CWF19L2: variants seen among roughly 807,000 people sequenced by gnomAD.
CWF19L2 encodes the protein CWF19 like cell cycle control factor 2.
CWF19L2 carries 98 observed loss-of-function variants against 111.7 expected under a neutral mutation model. The ratio of observed to expected loss-of-function variants is 0.88; its 90% CI spans 0.75 to 1.04. CWF19L2 has a LOEUF of 1.04. CWF19L2 is among the 50% of genes least tolerant of loss of function. The pLI is 0.00. For missense variants in CWF19L2, 1,101 were observed against 1,051.4 expected (o/e 1.05, Z -0.65); for synonymous variants, 351 against 342.9 (o/e 1.02, Z -0.26).
intron 12 of CWF19L2, among the ~76,000 whole-genome samples, chr11:107,361,732 T>C (rs896785862): frequency 1.3e-5 from 2 of 152,226 alleles, no homozygotes; most frequent in African/African-American, 4.8e-5. Flanking sequence ...TTTTTATAGC[T>C]ATTGTAAATG....
At chr11:107,400,999 T>C (rs1422282902) in intron 10 of CWF19L2, among the ~76,000 whole-genome samples, 2 of 152,146 alleles carry the variant, frequency 1.3e-5, no homozygotes, top group Non-Finnish European at 2.9e-5. Flanking sequence ...GAAAAAGCAT[T>C]TGACAAAATC....
chr11:107,347,619 C>T (rs524448), intron 14 of CWF19L2, among the ~76,000 whole-genome samples: 2,359 of 152,270 alleles, frequency 0.015, 55 homozygotes, highest in African/African-American at 0.054. Flanking sequence ...TTCCATAGTA[C>T]ACTTGGTTTC....
At chr11:107,444,966 G>T (rs1406611443) in intron 3 of CWF19L2, among the ~76,000 whole-genome samples, 2 of 152,128 alleles carry the variant, frequency 1.3e-5, no homozygotes, top group Non-Finnish European at 2.9e-5. Context: ...ATCAACCTGA[G>T]CCATTCCACA....
intron 8 of CWF19L2, among the ~76,000 whole-genome samples, chr11:107,424,300 T>A (rs376523512): frequency 3.4e-4 from 52 of 151,840 alleles, no homozygotes; most frequent in African/African-American, 1.2e-3. Context: ...CCATCTATCA[T>A]CTGCCTAGCT....
Position 107,416,141 on chromosome 11 carries a change from AAAATATTAC to A in CWF19L2, c.1617+59_1617+67del. On this transcript the variant is annotated intron_variant, in intron 10 of 17. Transcript: ENST00000282251. ...AATAAAAAATAAAATAAAATAAAATAAAATATTACCACTGCCCGGTGGTAGTTTACACAA... is the reference window on the plus strand; with the variant it reads ...AATAAAAAATAAAATAAAATAAAATACACTGCCCGGTGGTAGTTTACACAA... The A allele has an allele frequency of 7.4e-6, 3 of 405,512 alleles. No homozygotes were observed. The South Asian group carries it at 2.2e-4, about 29-fold the overall frequency. The allele number at this position is 405,512 out of a possible 1,614,324, so 25.1% of individuals were successfully genotyped here.
intron 12 of CWF19L2, among the ~76,000 whole-genome samples, chr11:107,383,728 G>T (rs897976496): frequency 1.3e-5 from 2 of 152,098 alleles, no homozygotes; most frequent in African/African-American, 4.8e-5. Context: ...TGCAAGAAAA[G>T]AATGGGCAAT....
At chr11:107,334,796 G>A in intron 16 of CWF19L2, 85 bp downstream of exon 16, 1 of 853,076 alleles carries the variant, frequency 1.2e-6, no homozygotes. Context: ...TCAACCAAAT[G>A]GTCCCTTTGT....
At chr11:107,378,827 A>T (rs1477084345) in intron 12 of CWF19L2, among the ~76,000 whole-genome samples, 1 of 149,468 alleles carries the variant, frequency 6.7e-6, no homozygotes, top group Admixed American at 6.7e-5. Context: ...TTATAAAGTC[A>T]ATAAATATAT....
intron 8 of CWF19L2, among the ~76,000 whole-genome samples, chr11:107,424,050 T>A (rs1423713001): frequency 1.3e-5 from 2 of 151,714 alleles, no homozygotes; most frequent in Non-Finnish European, 2.9e-5. Context: ...CATAACTGAC[T>A]CTCCATATAT....
chr11:107,420,706 T>C (rs775830497), intron 8 of CWF19L2, among the ~76,000 whole-genome samples: 32 of 152,034 alleles, frequency 2.1e-4, no homozygotes, highest in Admixed American at 7.9e-4. Context: ...GACTTATAAA[T>C]AAGGTATAGT....
chr11:107,407,934 T>A (rs1861103812), intron 10 of CWF19L2, among the ~76,000 whole-genome samples: 1 of 152,014 alleles, frequency 6.6e-6, no homozygotes, highest in African/African-American at 2.4e-5. Context: ...GACTGAAGCC[T>A]ACAGGTCAAC....
intron 8 of CWF19L2, 109 bp downstream of exon 8, chr11:107,428,690 A>T: frequency 1.2e-6 from 1 of 867,674 alleles, no homozygotes; most frequent in Non-Finnish European, 1.8e-6. Flanking sequence ...TATCAATTTT[A>T]AGAAATGTGA....
At chr11:107,380,890 G>A (rs1860676129) in intron 12 of CWF19L2, among the ~76,000 whole-genome samples, 1 of 152,120 alleles carries the variant, frequency 6.6e-6, no homozygotes, top group South Asian at 2.1e-4. Context: ...GCCTTAAAAA[G>A]CAATGAAATT....
intron 5 of CWF19L2, among the ~76,000 whole-genome samples, chr11:107,440,289 T>C (rs1000610366): frequency 5.9e-5 from 9 of 152,228 alleles, no homozygotes; most frequent in African/African-American, 2.2e-4. Context: ...TTAGGAACTT[T>C]AGTTTCCAGG....
chr11:107,404,196 A>T, intron 10 of CWF19L2: 1 of 776,692 alleles, frequency 1.3e-6, no homozygotes, highest in South Asian at 1.3e-5. Flanking sequence ...GGGAATTATG[A>T]TAGACCTTCA....
At chr11:107,371,019 T>G (rs1161021944) in intron 12 of CWF19L2, among the ~76,000 whole-genome samples, 1 of 124,762 alleles carries the variant, frequency 8.0e-6, no homozygotes, top group Non-Finnish European at 1.7e-5. Context: ...TCTCTTTTTT[T>G]TTTTTTTTTT....
Position 107,428,902 on chromosome 11 carries a change from G to A in CWF19L2, c.1330C>T (p.Gln444Ter), listed in dbSNP as rs375383027. The change falls in exon 8 of 18, where the codon CAA becomes TAA. Residue 444 changes from glutamine (Q) to a stop codon, truncating the protein, a stop_gained. Coordinates refer to ENST00000282251, the MANE Select transcript of CWF19L2 (RefSeq NM_152434.3). LOFTEE classifies it high-confidence loss of function. Reference sequence around the variant, plus strand: ...TCTCTTGGGTCTTCTGGAACATGTTGGTGTTCATCAGTACTGGTTTCCGAT... The same window carrying A: ...TCTCTTGGGTCTTCTGGAACATGTTAGTGTTCATCAGTACTGGTTTCCGAT... ...KPSETSTDEH[Q>*]HVPEDPREKS... 15 of 1,613,286 alleles carry A rather than the reference G, an allele frequency of 9.3e-6. No individual in the cohort carries two copies. Among genetic ancestry groups the A allele is most frequent in the Admixed American group, 3.3e-5 (2 of 59,936 alleles).
intron 14 of CWF19L2, among the ~76,000 whole-genome samples, chr11:107,337,461 T>C (rs1859944127): frequency 6.6e-6 from 1 of 151,784 alleles, no homozygotes. Context: ...GGTGACTGAA[T>C]AGAGCTGAGT....
rs1591211200 is a variant in CWF19L2, at chr11:107,448,200, C to T, written c.340-5151G>A. On this transcript the variant is annotated intron_variant, in intron 3 of 17. Transcript: ENST00000282251. Reference sequence around the variant, plus strand: ...CTCCACTAAAAATACAAACAATTAGCTGGACGTGGTGATGAGCACCTGTAA... The same window carrying T: ...CTCCACTAAAAATACAAACAATTAGTTGGACGTGGTGATGAGCACCTGTAA... 2.6e-5 allele frequency among the ~76,000 whole-genome samples: 4 copies of T among 152,082 alleles called. No homozygotes were observed. In the South Asian group the frequency reaches 8.3e-4, roughly 32 times the overall value.
Sources: allele counts gnomAD v4.1 joint callset (sites outside exome capture counted in the v4.1 genomes callset), GRCh38; gene constraint gnomAD v4.1.1; transcripts MANE v1.5; gene names NCBI Gene and HGNC (gene_info 2026-07-23, HGNC 2026-07-21).